The following CFDP1 variants were observed in gnomAD, a reference collection of about 807,000 sequenced individuals.
CFDP1 encodes the protein chromatin remodeling protein CFDP1, also known as heterochromatin-stabilizing protein CFDP1.
A neutral mutation model predicts 40.1 loss-of-function variants in CFDP1; 31 were observed. That is an observed-to-expected ratio of 0.77 (90% CI 0.58 to 1.04). CFDP1 has a LOEUF of 1.04. CFDP1 is among the 50% of genes least tolerant of loss of function. The pLI, the probability that CFDP1 is intolerant of heterozygous loss-of-function variation, is 0.00. For missense variants in CFDP1, 423 were observed against 343.4 expected (o/e 1.23, Z -1.83); for synonymous variants, 167 against 120.0 (o/e 1.39, Z -2.56).
intron 5 of CFDP1, among the ~76,000 whole-genome samples, chr16:75,313,707 G>C (rs1477113123): frequency 6.6e-6 from 1 of 152,042 alleles, no homozygotes; most frequent in African/African-American, 2.4e-5. Flanking sequence ...GGTGAAACAT[G>C]CCTTAGTTCT....
In CFDP1 at chr16:75,294,061, GTT is replaced by G; in HGVS notation, c.810-21_810-20del. On this transcript the variant is annotated intron_variant, in intron 6 of 6. Coordinates refer to ENST00000283882, the MANE Select transcript of CFDP1 (RefSeq NM_006324.3). Reference sequence around the variant, plus strand: ...AATGTACCTAGAAGATGAAAACAGTGTTTGTCAGTAGAATCCAGTAGGAAAAA... The same window carrying G: ...AATGTACCTAGAAGATGAAAACAGTGTGTCAGTAGAATCCAGTAGGAAAAA... 1 of 1,590,762 alleles carries G rather than the reference GTT, an allele frequency of 6.3e-7. No homozygotes were observed. Among genetic ancestry groups the G allele is most frequent in the Non-Finnish European group, 8.6e-7 (1 of 1,158,806 alleles).
At chr16:75,311,529 T>G (rs981446345) in intron 5 of CFDP1, among the ~76,000 whole-genome samples, 1 of 152,162 alleles carries the variant, frequency 6.6e-6, no homozygotes, top group South Asian at 2.1e-4. Context: ...ACACTACACT[T>G]GAACTGACAG....
intron 6 of CFDP1, among the ~76,000 whole-genome samples, chr16:75,302,707 C>T (rs113341374): frequency 1.3e-4 from 20 of 152,318 alleles, no homozygotes; most frequent in Non-Finnish European, 2.6e-4. Flanking sequence ...GACAGAGCTG[C>T]GAGTTACTGG....
intron 1 of CFDP1, among the ~76,000 whole-genome samples, chr16:75,420,385 T>A (rs1412829932): frequency 6.6e-6 from 1 of 152,204 alleles, no homozygotes; most frequent in African/African-American, 2.4e-5. Flanking sequence ...CATTTAGATC[T>A]AACTTCTGAT....
At chr16:75,370,530 C>T (rs1405378444) in intron 5 of CFDP1, among the ~76,000 whole-genome samples, 1 of 152,170 alleles carries the variant, frequency 6.6e-6, no homozygotes, top group Non-Finnish European at 1.5e-5. Context: ...ACGTTGTGCA[C>T]ATGTACCCTA....
At chr16:75,318,198 G>A (rs897137062) in intron 5 of CFDP1, among the ~76,000 whole-genome samples, 5 of 152,108 alleles carry the variant, frequency 3.3e-5, no homozygotes, top group African/African-American at 1.2e-4. Flanking sequence ...TGCTGTGACT[G>A]TGACTGGTCT....
chr16:75,335,710 C>A (rs1247672236), intron 5 of CFDP1, among the ~76,000 whole-genome samples: 2 of 152,100 alleles, frequency 1.3e-5, no homozygotes, highest in African/African-American at 2.4e-5. Context: ...GCGCCCGCCA[C>A]CATGCCCGGA....
At chr16:75,312,312 T>C (rs1038393735) in intron 5 of CFDP1, among the ~76,000 whole-genome samples, 6 of 152,160 alleles carry the variant, frequency 3.9e-5, no homozygotes, top group Non-Finnish European at 7.3e-5. Context: ...AAACCAGAAG[T>C]ATGACAAGAA....
chr16:75,371,204 AC>A (rs2078748881), intron 5 of CFDP1, among the ~76,000 whole-genome samples: 1 of 152,148 alleles, frequency 6.6e-6, no homozygotes, highest in Non-Finnish European at 1.5e-5. Flanking sequence ...CAAACTTTTT[AC>A]CCTCTAAATG....
chr16:75,378,629 G>A (rs948367132), intron 5 of CFDP1, among the ~76,000 whole-genome samples: 1 of 152,114 alleles, frequency 6.6e-6, no homozygotes, highest in Non-Finnish European at 1.5e-5. Flanking sequence ...GGAGACTAAG[G>A]TGTAAAACTG....
intron 1 of CFDP1, among the ~76,000 whole-genome samples, chr16:75,421,093 G>C (rs928648699): frequency 1.3e-5 from 2 of 152,140 alleles, no homozygotes; most frequent in African/African-American, 2.4e-5. Context: ...CAGCAGACTA[G>C]GAGGCATGCG....
At chr16:75,331,287 T>C (rs74883500) in intron 5 of CFDP1, among the ~76,000 whole-genome samples, 9,060 of 152,294 alleles carry the variant, frequency 0.059, 401 homozygotes, top group Non-Finnish European at 0.086. Flanking sequence ...AAAATTTTGA[T>C]TTTTATTTTT....
At chr16:75,318,099 A>G (rs767560257) in intron 5 of CFDP1, among the ~76,000 whole-genome samples, 4 of 152,026 alleles carry the variant, frequency 2.6e-5, no homozygotes, top group Non-Finnish European at 5.9e-5. Context: ...CCAGCGCGCC[A>G]CTGCACTCCA....
intron 5 of CFDP1, 85 bp downstream of exon 5, chr16:75,395,005 T>C: frequency 6.7e-7 from 1 of 1,501,794 alleles, no homozygotes; most frequent in Non-Finnish European, 9.2e-7. Context: ...AGGCAAGGAG[T>C]CTGATCTGCA....
intron 4 of CFDP1, 49 bp downstream of exon 4, chr16:75,411,776 C>G (rs761183708): frequency 9.6e-6 from 15 of 1,559,958 alleles, no homozygotes; most frequent in Non-Finnish European, 1.3e-5. Flanking sequence ...TAGAGAGAGA[C>G]GCTCATTTTT....
chr16:75,332,307 A>G (rs1273683070), intron 5 of CFDP1, among the ~76,000 whole-genome samples: 1 of 152,026 alleles, frequency 6.6e-6, no homozygotes, highest in Non-Finnish European at 1.5e-5. Flanking sequence ...TCTACTAAAA[A>G]TACAAAAATT....
intron 5 of CFDP1, among the ~76,000 whole-genome samples, chr16:75,317,202 C>T (rs2078329544): frequency 1.3e-5 from 2 of 152,130 alleles, no homozygotes; most frequent in Admixed American, 1.3e-4. Context: ...TTAAATGACA[C>T]GAAGTCAGCA....
intron 5 of CFDP1, among the ~76,000 whole-genome samples, chr16:75,358,770 G>C (rs2078662740): frequency 6.6e-6 from 1 of 152,164 alleles, no homozygotes. Flanking sequence ...TGCTGGCAGT[G>C]ATAAATTCTG....
chr16:75,294,620 G>C (rs745810324), intron 6 of CFDP1, among the ~76,000 whole-genome samples: 1 of 152,188 alleles, frequency 6.6e-6, no homozygotes, highest in Non-Finnish European at 1.5e-5. Flanking sequence ...CTTTAGAAGT[G>C]ATTTAACTGC....
Sources: allele counts gnomAD v4.1 joint callset (sites outside exome capture counted in the v4.1 genomes callset), GRCh38; gene constraint gnomAD v4.1.1; transcripts MANE v1.5; gene names NCBI Gene and HGNC (gene_info 2026-07-23, HGNC 2026-07-21).